HIVEP2: variants seen among roughly 807,000 people sequenced by gnomAD.
HIVEP2 encodes HIVEP zinc finger 2.
A neutral mutation model predicts 180.7 loss-of-function variants in HIVEP2; 14 were observed. The observed-to-expected ratio is 0.08, with a 90% CI of 0.05 to 0.12. The LOEUF (loss-of-function observed/expected upper bound fraction) is 0.12, where lower values mean the gene tolerates loss of function less well. HIVEP2 is among the 10% of genes least tolerant of loss of function. HIVEP2 has a pLI of 1.00. For missense variants in HIVEP2, 2,579 were observed against 3,008.5 expected (o/e 0.86, Z 3.34); for synonymous variants, 1,184 against 1,136.4 (o/e 1.04, Z -0.84).
At chr6:142,896,756 G>A (rs1214600369) in intron 1 of HIVEP2, among the ~76,000 whole-genome samples, 2 of 152,066 alleles carry the variant, frequency 1.3e-5, no homozygotes, top group African/African-American at 4.8e-5. Flanking sequence ...AGTCCTTTCT[G>A]GTGCTCAAAG....
intron 1 of HIVEP2, among the ~76,000 whole-genome samples, chr6:142,888,450 TA>T (rs953256550): frequency 1.3e-5 from 2 of 152,064 alleles, no homozygotes; most frequent in Non-Finnish European, 2.9e-5. Context: ...TATTTTTAAT[TA>T]AAAAAAATTA....
chr6:142,772,471 T>G lies in HIVEP2; in HGVS notation c.2268A>C (p.Glu756Asp). 1.2e-6 allele frequency: 2 copies of G among 1,614,188 alleles called. No individual in the cohort carries two copies. The highest frequency in any genetic ancestry group is 1.7e-6 in the Non-Finnish European group (2 of 1,180,048). The change falls in exon 5 of 10, where the codon GAA becomes GAC. Residue 756 changes from glutamate (E) to aspartate (D), a missense_variant. Around this residue, in one of 11 missense-constraint regions of HIVEP2, gnomAD observed 524 missense variants for 563.6 expected, o/e 0.93. Coordinates refer to ENST00000367603, the MANE Select transcript of HIVEP2 (RefSeq NM_006734.4). The surrounding 1 kb of genome is among the most constrained non-coding windows in gnomAD (Gnocchi z 4.9). ...GTTGGGGCCGACATGGGTCAAAGCG[T>G]TCCGTGTGACCATGAGAAAGGTTTT... ...GHENLSHGHT[E>D]RFDPCRPQLQ... is the part of the protein sequence containing the mutation.
chr6:142,812,234 C>T (rs560668693), intron 2 of HIVEP2, among the ~76,000 whole-genome samples: 145 of 152,224 alleles, frequency 9.5e-4, no homozygotes, highest in African/African-American at 3.4e-3. Context: ...TTGATCAGCA[C>T]GTGAGGAAAC....
chr6:142,849,173 G>A (rs552623482), intron 1 of HIVEP2, among the ~76,000 whole-genome samples: 107 of 152,210 alleles, frequency 7.0e-4, no homozygotes, highest in Non-Finnish European at 1.3e-3. Flanking sequence ...AGAGAATACC[G>A]GGCTTGGAGG....
At chr6:142,921,675 C>G (rs1240824729) in intron 1 of HIVEP2, among the ~76,000 whole-genome samples, 3 of 152,216 alleles carry the variant, frequency 2.0e-5, no homozygotes, top group Non-Finnish European at 2.9e-5. Context: ...CCTATCCCTA[C>G]TGAGGATTAC....
At chr6:142,903,917 A>T (rs944551780) in intron 1 of HIVEP2, among the ~76,000 whole-genome samples, 1 of 152,222 alleles carries the variant, frequency 6.6e-6, no homozygotes, top group African/African-American at 2.4e-5. Flanking sequence ...TGATACTTTA[A>T]ATAAATCTCT....
chr6:142,861,114 T>G (rs1775967940), intron 1 of HIVEP2, among the ~76,000 whole-genome samples: 1 of 152,156 alleles, frequency 6.6e-6, no homozygotes, highest in African/African-American at 2.4e-5. Context: ...AAGTAACACC[T>G]GAAGACAATA....
At chr6:142,802,191 C>A (rs940369783) in intron 2 of HIVEP2, among the ~76,000 whole-genome samples, 4 of 152,148 alleles carry the variant, frequency 2.6e-5, no homozygotes, top group African/African-American at 4.8e-5. Context: ...ATGGCTTCAC[C>A]ATCTGCAACA....
At chr6:142,869,798 CTTCAT>C (rs1776241629) in intron 1 of HIVEP2, among the ~76,000 whole-genome samples, 1 of 152,116 alleles carries the variant, frequency 6.6e-6, no homozygotes, top group Non-Finnish European at 1.5e-5. Context: ...TACTCTCCAA[CTTCAT>C]TTTATTAACA....
intron 2 of HIVEP2, among the ~76,000 whole-genome samples, chr6:142,830,624 C>T (rs1329183830): frequency 6.6e-6 from 1 of 151,880 alleles, no homozygotes; most frequent in African/African-American, 2.4e-5. Context: ...TTCCTGTTTC[C>T]AACTATAAAC....
intron 1 of HIVEP2, among the ~76,000 whole-genome samples, chr6:142,888,386 G>A (rs2128419990): frequency 6.6e-6 from 1 of 152,162 alleles, no homozygotes; most frequent in South Asian, 2.1e-4. Flanking sequence ...CTTGGCCTCT[G>A]AAAATGCTGG....
At chr6:142,785,885 T>C (rs1458830147) in intron 2 of HIVEP2, among the ~76,000 whole-genome samples, 1 of 152,218 alleles carries the variant, frequency 6.6e-6, no homozygotes, top group African/African-American at 2.4e-5. Flanking sequence ...GTTATACTTA[T>C]CCTTACCTTA....
In HIVEP2 at chr6:142,761,074, T is replaced by C. The variant is rs2114613927; in HGVS notation, c.5620+390A>G. Among the ~76,000 whole-genome samples, 3 of 152,306 alleles carry C rather than the reference T, an allele frequency of 2.0e-5. 1 individual carries two copies. In the Middle Eastern group the frequency reaches 0.01, roughly 518 times the overall value. ...GGAGGTCTGGCCAACCTTAATGATG[T>C]TTGTTTGCTAGTTTATTTGTTTTCC... On this transcript the variant is annotated intron_variant, in intron 8 of 9. Transcript: ENST00000367603.
At chr6:142,801,187 G>GT (rs1562240060) in intron 2 of HIVEP2, among the ~76,000 whole-genome samples, 1 of 92,470 alleles carries the variant, frequency 1.1e-5, no homozygotes, top group African/African-American at 4.2e-5. Flanking sequence ...GCAGTGGCCA[G>GT]TGTCAAAAAA....
rs1180353340 is a variant in HIVEP2, at chr6:142,808,631, G to A, written c.-527-25016C>T. Reference sequence around the variant, plus strand: ...ACAGATAGAGGGAAGTAGGGAGGGAGGGATAGAGGGATGGAGAGAAGAAAG... The same window carrying A: ...ACAGATAGAGGGAAGTAGGGAGGGAAGGATAGAGGGATGGAGAGAAGAAAG... On this transcript the variant is annotated intron_variant, in intron 2 of 9. Transcript: ENST00000367603. Among the ~76,000 whole-genome samples, 3 of 151,444 alleles carry A rather than the reference G, an allele frequency of 2.0e-5. No individual in the cohort carries two copies. The East Asian group carries it at 5.9e-4, about 30-fold the overall frequency.
intron 6 of HIVEP2, among the ~76,000 whole-genome samples, chr6:142,767,090 G>A (rs1200064708): frequency 6.6e-6 from 1 of 152,164 alleles, no homozygotes; most frequent in Non-Finnish European, 1.5e-5. Context: ...GTTCACATAC[G>A]CTTTTTCACT....
intron 1 of HIVEP2, among the ~76,000 whole-genome samples, chr6:142,903,670 A>C (rs1562285653): frequency 6.6e-6 from 1 of 152,200 alleles, no homozygotes; most frequent in Non-Finnish European, 1.5e-5. Flanking sequence ...ATTAATTCAC[A>C]CACTAATTCT....
At chr6:142,909,010 G>T (rs887676571) in intron 1 of HIVEP2, among the ~76,000 whole-genome samples, 6 of 152,050 alleles carry the variant, frequency 3.9e-5, no homozygotes, top group African/African-American at 1.4e-4. Context: ...CTATTAAAGG[G>T]CAGATTTTAG....
chr6:142,788,940 T>C (rs902487868), intron 2 of HIVEP2, among the ~76,000 whole-genome samples: 2 of 152,188 alleles, frequency 1.3e-5, no homozygotes, highest in African/African-American at 4.8e-5. Flanking sequence ...TATGCTAATA[T>C]ACAGAAATGC....
Sources: allele counts gnomAD v4.1 joint callset (sites outside exome capture counted in the v4.1 genomes callset), GRCh38; gene constraint gnomAD v4.1.1; regional missense constraint gnomAD v4.1.1; non-coding constraint Gnocchi (gnomAD v3.1); transcripts MANE v1.5; gene names NCBI Gene and HGNC (gene_info 2026-07-23, HGNC 2026-07-21).